Variants in RGS7 observed in about 807,000 individuals in gnomAD.
RGS7 encodes the protein regulator of G-protein signaling 7.
RGS7 carries 27 observed loss-of-function variants against 81.1 expected under a neutral mutation model. The observed-to-expected ratio is 0.33, with a 90% CI of 0.25 to 0.46. The LOEUF is 0.46. Among genes scored for constraint, RGS7 ranks in the 20% least tolerant of loss-of-function variants. The pLI, the probability that RGS7 is intolerant of heterozygous loss-of-function variation, is 1.00. For missense variants in RGS7, 396 were observed against 607.4 expected, an observed-to-expected ratio of 0.65 and a Z score of 3.66; for synonymous variants, 208 against 207.7, an observed-to-expected ratio of 1.00 and a Z score of -0.01.
chr1:241,214,583 A>G (rs1005509610), intron 2 of RGS7, among the ~76,000 whole-genome samples: 6 of 151,870 alleles, frequency 4.0e-5, no homozygotes, highest in African/African-American at 1.5e-4. Context: ...TTCTTCAACT[A>G]TTTTTTTCTT....
At chr1:241,128,231 T>C (rs553622071) in intron 2 of RGS7, among the ~76,000 whole-genome samples, 6 of 149,102 alleles carry the variant, frequency 4.0e-5, no homozygotes, top group Admixed American at 6.7e-5. Flanking sequence ...GAGCCGAGAT[T>C]GCGCCACTGC....
At chr1:241,022,743 G>A (rs756517771) in intron 3 of RGS7, among the ~76,000 whole-genome samples, 2 of 152,142 alleles carry the variant, frequency 1.3e-5, no homozygotes, top group Non-Finnish European at 2.9e-5. Flanking sequence ...CCAACATGGC[G>A]TGGCCAGCAT....
chr1:241,062,798 G>C (rs571513679), intron 3 of RGS7, among the ~76,000 whole-genome samples: 2 of 152,134 alleles, frequency 1.3e-5, no homozygotes, highest in Non-Finnish European at 2.9e-5. Flanking sequence ...AAACACCGTA[G>C]AGTATAGCCC....
intron 3 of RGS7, among the ~76,000 whole-genome samples, chr1:241,058,691 G>A (rs756283821): frequency 1.3e-5 from 2 of 152,190 alleles, no homozygotes; most frequent in Non-Finnish European, 2.9e-5. Context: ...GTGTAAAGAC[G>A]ATGTTCATCT....
At position 241,319,390 on chromosome 1, in the gene RGS7, A is replaced by T. The variant is rs574174319; in HGVS notation, c.78+36309T>A. Among the ~76,000 whole-genome samples, 27 of 152,362 alleles carry T rather than the reference A, an allele frequency of 1.8e-4. No homozygotes were observed. In the East Asian group the frequency reaches 3.3e-3, roughly 18 times the overall value. On this transcript the variant is annotated intron_variant, in intron 2 of 18. Transcript: ENST00000440928. ...TTAATGGTGCCTATTAAATGTTGGT[A>T]TAAAAATACCCTAAGAAAATGCAAC...
intron 3 of RGS7, among the ~76,000 whole-genome samples, chr1:241,049,326 G>A (rs946705809): frequency 6.6e-6 from 1 of 152,192 alleles, no homozygotes; most frequent in African/African-American, 2.4e-5. Context: ...TCTTTACAGA[G>A]TTCTGAGTTG....
intron 2 of RGS7, among the ~76,000 whole-genome samples, chr1:241,322,584 A>C (rs2148613407): frequency 1.3e-5 from 2 of 152,300 alleles, no homozygotes; most frequent in South Asian, 4.1e-4. Context: ...CATATCTGCC[A>C]CCCTGAATTC....
intron 6 of RGS7, among the ~76,000 whole-genome samples, chr1:240,924,779 T>A (rs1674144778): frequency 6.6e-6 from 1 of 152,172 alleles, no homozygotes; most frequent in African/African-American, 2.4e-5. Flanking sequence ...GCGTGAGTGA[T>A]GCAGTCACCT....
intron 2 of RGS7, among the ~76,000 whole-genome samples, chr1:241,148,745 T>C (rs2068532560): frequency 6.6e-6 from 1 of 152,264 alleles, no homozygotes; most frequent in Non-Finnish European, 1.5e-5. Flanking sequence ...ATACATTCTA[T>C]AATAAGTCCT....
intron 2 of RGS7, among the ~76,000 whole-genome samples, chr1:241,189,150 ATTTG>A (rs2072384866): frequency 6.6e-6 from 1 of 151,930 alleles, no homozygotes; most frequent in African/African-American, 2.4e-5. Context: ...AATTTTATTT[ATTTG>A]TTTATTTTTT....
At chr1:241,319,003 G>A (rs2081055087) in intron 2 of RGS7, among the ~76,000 whole-genome samples, 1 of 152,126 alleles carries the variant, frequency 6.6e-6, no homozygotes, top group Non-Finnish European at 1.5e-5. Context: ...CAGGAAGACA[G>A]GTGGATCATG....
intron 4 of RGS7, among the ~76,000 whole-genome samples, chr1:240,941,138 T>C (rs2148395668): frequency 6.6e-6 from 1 of 152,332 alleles, no homozygotes; most frequent in East Asian, 1.9e-4. Flanking sequence ...AGTAGAAATA[T>C]ACTGGTGGTG....
intron 2 of RGS7, among the ~76,000 whole-genome samples, chr1:241,300,226 C>G (rs1183767745): frequency 6.6e-6 from 1 of 152,142 alleles, no homozygotes; most frequent in Non-Finnish European, 1.5e-5. Context: ...ACTATCAACA[C>G]CCTGCATCTA....
intron 9 of RGS7, among the ~76,000 whole-genome samples, chr1:240,865,586 A>G (rs1191394330): frequency 6.6e-6 from 1 of 152,254 alleles, no homozygotes; most frequent in Non-Finnish European, 1.5e-5. Flanking sequence ...TTACAGCCAC[A>G]GTCAGGACAG....
rs866303633 is a variant in RGS7, at chr1:241,282,942, G to A, written c.78+72757C>T. 1.3e-4 allele frequency among the ~76,000 whole-genome samples: 20 copies of A among 151,932 alleles called. 1 individual carries two copies. Among genetic ancestry groups the A allele is most frequent in the Middle Eastern group, 6.8e-3 (2 of 294 alleles). The stretch of plus-strand genomic sequence containing the variant: ...TCTGCTTATCATTATATTTGAAGTC[G>A]GTTCTTTATAGAAGTAATACTGTTG... On this transcript the variant is annotated intron_variant, in intron 2 of 18. Transcript: ENST00000440928.
At chr1:241,024,824 C>G (rs2148707469) in intron 3 of RGS7, among the ~76,000 whole-genome samples, 1 of 151,890 alleles carries the variant, frequency 6.6e-6, no homozygotes, top group African/African-American at 2.4e-5. Flanking sequence ...TGTATTGTAC[C>G]CAGATTAGAA....
chr1:240,953,936 T>C (rs573054644), intron 4 of RGS7, among the ~76,000 whole-genome samples: 77 of 152,074 alleles, frequency 5.1e-4, no homozygotes, highest in Non-Finnish European at 9.4e-4. Context: ...TAAGGATCCA[T>C]AGAATTAAAA....
chr1:241,221,070 A>AAAG (rs2074962078), intron 2 of RGS7, among the ~76,000 whole-genome samples: 1 of 142,516 alleles, frequency 7.0e-6, no homozygotes, highest in Non-Finnish European at 1.5e-5. Context: ...AGAGAGAGAG[A>AAAG]GAAAGGAAGG....
At chr1:241,276,969 C>T (rs1317688210) in intron 2 of RGS7, among the ~76,000 whole-genome samples, 1 of 152,166 alleles carries the variant, frequency 6.6e-6, no homozygotes, top group Admixed American at 6.5e-5. Flanking sequence ...TCCTTCGTAC[C>T]TCTGCCCAGA....
Sources: gnomAD v4.1 joint callset for allele counts (sites outside exome capture counted in the v4.1 genomes callset) on GRCh38, gnomAD v4.1.1 for gene constraint, MANE v1.5 for transcripts, NCBI Gene and HGNC (gene_info 2026-07-23, HGNC 2026-07-21) for gene names.